The following PTPRG variants were observed in gnomAD, a reference collection of about 807,000 sequenced individuals.
PTPRG encodes the protein receptor-type tyrosine-protein phosphatase gamma.
A neutral mutation model predicts 165.3 loss-of-function variants in PTPRG; 102 were observed. The ratio of observed to expected loss-of-function variants is 0.62; its 90% CI spans 0.53 to 0.73. The LOEUF is 0.73. Among genes scored for constraint, PTPRG ranks in the 30% least tolerant of loss-of-function variants. The pLI is 0.00. For missense variants in PTPRG, 1,866 were observed against 1,861.4 expected, an observed-to-expected ratio of 1.00 and a Z score of -0.05; for synonymous variants, 675 against 669.5, an observed-to-expected ratio of 1.01 and a Z score of -0.13.
chr3:61,669,522 C>G (rs79874452), intron 1 of PTPRG, among the ~76,000 whole-genome samples: 5,760 of 152,254 alleles, frequency 0.038, 346 homozygotes, highest in African/African-American at 0.13. Context: ...TTTACTGTCT[C>G]TGTTAATTAC....
intron 1 of PTPRG, among the ~76,000 whole-genome samples, chr3:61,590,749 A>C (rs1700549720): frequency 6.6e-6 from 1 of 152,178 alleles, no homozygotes; most frequent in African/African-American, 2.4e-5. Flanking sequence ...ATAGTTTAAA[A>C]AATACTTGAT....
intron 13 of PTPRG, among the ~76,000 whole-genome samples, chr3:62,226,850 TCTCTCTTTTA>T (rs1700774773): frequency 6.6e-6 from 1 of 152,190 alleles, no homozygotes; most frequent in Non-Finnish European, 1.5e-5. Context: ...TAGGAAAAGG[TCTCTCTTTTA>T]CTCTAAGTCC....
At chr3:61,674,285 T>G (rs1029124489) in intron 1 of PTPRG, among the ~76,000 whole-genome samples, 1 of 151,968 alleles carries the variant, frequency 6.6e-6, no homozygotes, top group Non-Finnish European at 1.5e-5. Context: ...TGGATACTGA[T>G]CTCCAGCTCC....
rs899607723 is a variant in PTPRG at position 62,216,083 on chromosome 3, T to C, written c.2156-2768T>C. Among the ~76,000 whole-genome samples, 3 of 152,146 alleles carry C rather than the reference T, an allele frequency of 2.0e-5. No individual in the cohort carries two copies. In the East Asian group the frequency reaches 5.8e-4, roughly 30 times the overall value. ...AAATATGAAAATTGGCCAGGCGTGG[T>C]GGCACACACCTGTAATTCCAGGTAC... is the stretch of plus-strand genomic sequence containing the variant. On this transcript the variant is annotated intron_variant, in intron 12 of 29. Transcript: ENST00000474889.
intron 1 of PTPRG, among the ~76,000 whole-genome samples, chr3:61,695,506 C>T (rs576994975): frequency 6.6e-6 from 1 of 152,318 alleles, no homozygotes; most frequent in Admixed American, 6.5e-5. Context: ...AGAACAAGTT[C>T]CGTTGACTAA....
chr3:61,638,618 T>TTTTTG lies in PTPRG; in HGVS notation c.85+76246_85+76247insTTTTG, dbSNP rs1553643112. 4.8e-3 allele frequency among the ~76,000 whole-genome samples: 555 copies of TTTTTG among 116,242 alleles called. 18 individuals carry two copies. Among genetic ancestry groups the TTTTTG allele is most frequent in the Non-Finnish European group, 7.4e-3 (432 of 58,540 alleles). The allele number at this position is 116,242 out of a possible 152,430, so 76.3% of individuals were successfully genotyped here. ...TTTTTTTTTTTTTTTTTTTTTTTTT[T>TTTTTG]GGGGTAGAGGGATTTCCCTATGTTG... On this transcript the variant is annotated intron_variant, in intron 1 of 29. Coordinates refer to ENST00000474889, the MANE Select transcript of PTPRG (RefSeq NM_002841.4).
In PTPRG at chr3:62,203,345, C is replaced by G; in HGVS notation, c.1550C>G (p.Ala517Gly). Residue 517 changes from alanine to glycine, a missense_variant, in exon 12 of 30, where the codon GCC (alanine) becomes GGC (glycine). Around this residue, in one of 3 missense-constraint regions of PTPRG, gnomAD observed 1,452 missense variants for 1,463.0 expected, o/e 0.99. Transcript: ENST00000474889. This position sits in a 1 kb window ranked among gnomAD's most constrained non-coding sequence, Gnocchi z 6.4. ...VASVVTSTLLAGLGFGGGGIS... is the reference protein window; with the variant it reads ...VASVVTSTLLGGLGFGGGGIS... ...TCGGTGGTCACCAGCACGCTGCTCG[C>G]CGGCCTGGGGTTCGGCGGTGGTGGC... 6.2e-7 allele frequency: 1 copy of G among 1,613,458 alleles called. No individual in the cohort carries two copies. Among genetic ancestry groups the G allele is most frequent in the Non-Finnish European group, 8.5e-7 (1 of 1,179,766 alleles).
At chr3:61,925,744 A>T (rs2039192319) in intron 2 of PTPRG, 2 of 101,878 alleles carry the variant, frequency 2.0e-5, no homozygotes, top group Non-Finnish European at 3.8e-5. Flanking sequence ...CTCTATCTTT[A>T]AAAAAAAAAA....
chr3:62,163,197 C>T (rs1704836093), intron 7 of PTPRG, among the ~76,000 whole-genome samples: 1 of 152,076 alleles, frequency 6.6e-6, no homozygotes, highest in South Asian at 2.1e-4. Flanking sequence ...TTGAGGATTA[C>T]AATTCCACCT....
At chr3:61,984,017 A>C (rs530808825) in intron 2 of PTPRG, among the ~76,000 whole-genome samples, 3 of 152,310 alleles carry the variant, frequency 2.0e-5, no homozygotes, top group Admixed American at 2.0e-4. Context: ...CTCAGATTCA[A>C]GCCCAGATTT....
At chr3:61,958,498 C>T (rs2040082859) in intron 2 of PTPRG, among the ~76,000 whole-genome samples, 1 of 152,138 alleles carries the variant, frequency 6.6e-6, no homozygotes, top group Admixed American at 6.5e-5. Flanking sequence ...TTTGAAGACA[C>T]CTGAAGGTCA....
At chr3:62,192,834 C>T (rs950642829) in intron 9 of PTPRG, among the ~76,000 whole-genome samples, 7 of 152,170 alleles carry the variant, frequency 4.6e-5, no homozygotes, top group African/African-American at 1.7e-4. Context: ...TGTATATGCA[C>T]ATGAAAAATG....
rs182062853 is a variant in PTPRG at position 61,915,099 on chromosome 3, C to T, written c.191-74526C>T. On this transcript the variant is annotated intron_variant, in intron 2 of 29. Transcript: ENST00000474889. The stretch of plus-strand genomic sequence containing the variant: ...TAAAAATTAGCCGGGCGTGGTGGTG[C>T]GTGCCTGTAGTCCCAGCTACTCAGG... Among the ~76,000 whole-genome samples the T allele has an allele frequency of 9.3e-3, 1,412 of 152,166 alleles. 12 individuals are homozygous for T. The highest frequency in any genetic ancestry group is 0.027 in the Middle Eastern group (8 of 294).
intron 2 of PTPRG, among the ~76,000 whole-genome samples, chr3:61,855,024 G>C (rs764080050): frequency 1.3e-5 from 2 of 152,148 alleles, no homozygotes; most frequent in Non-Finnish European, 2.9e-5. Flanking sequence ...AGATGGCTGT[G>C]ATTTAATTTC....
intron 2 of PTPRG, among the ~76,000 whole-genome samples, chr3:61,817,084 T>C (rs1483997513): frequency 2.3e-5 from 3 of 132,692 alleles, no homozygotes; most frequent in Non-Finnish European, 4.7e-5. Context: ...TTATATATAA[T>C]ATATATTACA....
chr3:62,238,480 C>T (rs910949873), intron 14 of PTPRG, among the ~76,000 whole-genome samples: 1 of 152,216 alleles, frequency 6.6e-6, no homozygotes, highest in South Asian at 2.1e-4. Flanking sequence ...TCAATGCCTT[C>T]ATAGAAACTG....
chr3:61,738,328 A>G lies in PTPRG; in HGVS notation c.86-10550A>G, dbSNP rs1333760773. 6.6e-5 allele frequency among the ~76,000 whole-genome samples: 9 copies of G among 136,618 alleles called. No homozygotes were observed. The East Asian group carries it at 8.2e-4, about 12-fold the overall frequency. 89.6% of individuals were successfully genotyped at this position (136,618 alleles called of 152,430 possible). ...TATATATATACATATATATATATAT[A>G]TATATATATGTATATATATATATAA... On this transcript the variant is annotated intron_variant, in intron 1 of 29. Transcript: ENST00000474889.
At chr3:61,752,803 A>AAAAAAAAAAAAAAAAAAAAAG (rs1559592577) in intron 2 of PTPRG, among the ~76,000 whole-genome samples, 1 of 33,132 alleles carries the variant, frequency 3.0e-5, no homozygotes, top group African/African-American at 8.5e-5. Flanking sequence ...AAAAAAAAAG[A>AAAAAAAAAAAAAAAAAAAAAG]AAAAAAAAAA....
intron 12 of PTPRG, among the ~76,000 whole-genome samples, chr3:62,215,180 A>G (rs1700466912): frequency 6.6e-6 from 1 of 152,176 alleles, no homozygotes. Context: ...CCTGAGGGCT[A>G]TGAGGAGCTA....
Sources: allele counts gnomAD v4.1 joint callset (sites outside exome capture counted in the v4.1 genomes callset), GRCh38; gene constraint gnomAD v4.1.1; regional missense constraint gnomAD v4.1.1; non-coding constraint Gnocchi (gnomAD v3.1); transcripts MANE v1.5; gene names NCBI Gene and HGNC (gene_info 2026-07-23, HGNC 2026-07-21).